PRKDC: variants seen among roughly 807,000 people sequenced by gnomAD.
PRKDC encodes the protein protein kinase, DNA-activated, catalytic subunit.
In PRKDC, 82 loss-of-function variants were observed where a neutral mutation model predicts 486.9. The observed-to-expected ratio is 0.17, with a 90% CI of 0.14 to 0.20. The LOEUF (loss-of-function observed/expected upper bound fraction) is 0.20, where lower values mean the gene tolerates loss of function less well. Ranked by LOEUF, PRKDC falls within the 10% of genes least tolerant of loss-of-function variation. The pLI is 1.00. For missense variants in PRKDC, 4,504 were observed against 5,038.2 expected (o/e 0.89, Z 3.21); for synonymous variants, 1,895 against 1,837.0 (o/e 1.03, Z -0.81).
rs1252621097 is a variant in PRKDC, at chr8:47,798,283, A to G, written c.10412T>C (p.Ile3471Thr). 6.2e-7 allele frequency: 1 copy of G among 1,613,878 alleles called. No individual in the cohort carries two copies. The highest frequency in any genetic ancestry group is 8.5e-7 in the Non-Finnish European group (1 of 1,179,852). Residue 3471 changes from isoleucine to threonine, a missense_variant, in exon 73 of 86, where the codon ATT becomes ACT. Coordinates refer to ENST00000314191, the MANE Select transcript of PRKDC (RefSeq NM_006904.7). ...AGTCTCCTCTGGATACCGTTCTATA[A>G]TCTGAAGTAATCTAGGAAACTTCAA... is the stretch of plus-strand genomic sequence containing the variant. ...ARLKFPRLLQ[I>T]IERYPEETLS...
intron 83 of PRKDC, 124 bp from the exon 84 acceptor site, chr8:47,777,998 C>T (rs963219340): frequency 1.3e-5 from 12 of 927,094 alleles, no homozygotes; most frequent in Non-Finnish European, 6.5e-6. Context: ...CTCTGCTTCC[C>T]TTGAAATCAG....
At chr8:47,842,673 T>G (rs2088175914) in intron 54 of PRKDC, among the ~76,000 whole-genome samples, 1 of 152,084 alleles carries the variant, frequency 6.6e-6, no homozygotes, top group Non-Finnish European at 1.5e-5. Flanking sequence ...CTCTGGCAAT[T>G]CAAAGTATCT....
chr8:47,912,316 C>A (rs2089917691), intron 25 of PRKDC, 94 bp downstream of exon 25: 1 of 1,340,312 alleles, frequency 7.5e-7, no homozygotes, highest in Non-Finnish European at 9.8e-7. Flanking sequence ...CGTTCCTAAC[C>A]ATCTCCAGGT....
chr8:47,916,063 T>C (rs1329720627), intron 22 of PRKDC, among the ~76,000 whole-genome samples: 5 of 152,186 alleles, frequency 3.3e-5, no homozygotes, highest in Admixed American at 2.6e-4. Context: ...AAAATACTGG[T>C]TCACTGGATT....
intron 14 of PRKDC, among the ~76,000 whole-genome samples, chr8:47,934,489 C>T (rs539108436): frequency 2.0e-5 from 3 of 152,110 alleles, no homozygotes; most frequent in African/African-American, 4.8e-5. Flanking sequence ...GAGCCAAGAT[C>T]GTGCCACTGC....
Position 47,939,690 on chromosome 8 carries a change from T to C in PRKDC, c.974A>G (p.Asn325Ser). The C allele has an allele frequency of 6.3e-7, 1 of 1,595,960 alleles. No individual in the cohort carries two copies. Among genetic ancestry groups the C allele is most frequent in the South Asian group, 1.1e-5 (1 of 87,682 alleles). Residue 325 changes from asparagine (N) to serine (S), a missense_variant, in exon 11 of 86, where the codon AAT (asparagine) becomes AGT (serine). Asn to Ser is a conservative substitution (Grantham distance 46). Transcript: ENST00000314191. The part of the protein sequence containing the change: ...ALESFLKQVS[N>S]MVAKNAEMHK... The stretch of plus-strand genomic sequence containing the variant: ...CATTTCTGCATTTTTCGCCACCATA[T>C]TAGAAACCTGCAAATACATAATATT...
At position 47,957,505 on chromosome 8, in the gene PRKDC, A is replaced by G. The variant is rs1046573002; in HGVS notation, c.155-74T>C. On this transcript the variant is annotated intron_variant, in intron 1 of 85. Coordinates refer to ENST00000314191, the MANE Select transcript of PRKDC (RefSeq NM_006904.7). ...TGTAAACCACTCCTAAAGGGGTTGCAATGATTTTCTTATTATTTTTTTTGA... is the reference window on the plus strand; with the variant it reads ...TGTAAACCACTCCTAAAGGGGTTGCGATGATTTTCTTATTATTTTTTTTGA... 4.1e-6 allele frequency: 5 copies of G among 1,230,704 alleles called. No individual in the cohort carries two copies. In the African/African-American group the frequency reaches 6.1e-5, roughly 15 times the overall value. The allele number at this position is 1,230,704 out of a possible 1,614,324, so 76.2% of individuals were successfully genotyped here. A position where few individuals can be genotyped will look rare whatever the true frequency, so the allele number is the denominator to read the frequency against.
intron 52 of PRKDC, among the ~76,000 whole-genome samples, chr8:47,850,213 G>A (rs2088370691): frequency 1.3e-5 from 2 of 152,118 alleles, no homozygotes; most frequent in African/African-American, 4.8e-5. Context: ...GTCCTTCCTG[G>A]CTCACCTCCT....
At chr8:47,908,106 C>A (rs554672806) in intron 25 of PRKDC, among the ~76,000 whole-genome samples, 8 of 152,364 alleles carry the variant, frequency 5.3e-5, no homozygotes, top group Non-Finnish European at 1.2e-4. Flanking sequence ...TCAATCCGAG[C>A]CCAGCTGCAG....
At chr8:47,777,349 C>T (rs139684395) in intron 84 of PRKDC, among the ~76,000 whole-genome samples, 46 of 152,220 alleles carry the variant, frequency 3.0e-4, no homozygotes, top group Non-Finnish European at 5.4e-4. Flanking sequence ...GCTGGGATTA[C>T]AGGTGTGCGT....
chr8:47,887,827 T>C, intron 34 of PRKDC, 122 bp from the exon 35 acceptor site: 1 of 1,060,024 alleles, frequency 9.4e-7, no homozygotes, highest in South Asian at 2.0e-5. Flanking sequence ...CTTCCAATAT[T>C]CAGAAAAATT....
In PRKDC at chr8:47,957,255, T is replaced by G; in HGVS notation, c.240A>C (p.Glu80Asp). ...RKSLNSIEFR[E>D]CREEILKFLC... is the part of the protein sequence containing the mutation. ...AAAACTTTAGGATTTCTTCTCTACA[T>G]TCACGAAACTGTAATGAAAGAGATA... Residue 80 changes from glutamate to aspartate, a missense_variant, in exon 3 of 86, where the codon GAA becomes GAC. Physicochemically the swap from Glu to Asp is conservative, Grantham distance 45. Coordinates refer to ENST00000314191, the MANE Select transcript of PRKDC (RefSeq NM_006904.7). 1 of 1,596,392 alleles carries G rather than the reference T, an allele frequency of 6.3e-7. No individual in the cohort carries two copies. Among genetic ancestry groups the G allele is most frequent in the African/African-American group, 1.3e-5 (1 of 74,634 alleles).
intron 68 of PRKDC, among the ~76,000 whole-genome samples, chr8:47,814,299 C>G (rs1333756846): frequency 1.3e-5 from 2 of 152,094 alleles, no homozygotes; most frequent in African/African-American, 4.8e-5. Flanking sequence ...TCTCTAACAT[C>G]AGGAATAAAA....
At chr8:47,929,412 T>A (rs1296142475) in intron 18 of PRKDC, among the ~76,000 whole-genome samples, 1 of 152,226 alleles carries the variant, frequency 6.6e-6, no homozygotes, top group Non-Finnish European at 1.5e-5. Flanking sequence ...GTCCATTCCC[T>A]CTTCCTCATC....
chr8:47,850,160 A>G (rs1263934427), intron 52 of PRKDC, among the ~76,000 whole-genome samples: 1 of 152,140 alleles, frequency 6.6e-6, no homozygotes, highest in African/African-American at 2.4e-5. Flanking sequence ...ACAGAGAAGT[A>G]CTCAGTAGAG....
In PRKDC at chr8:47,893,288, G is replaced by A. The variant is rs575674401; in HGVS notation, c.3698C>T (p.Ser1233Leu). The A allele has an allele frequency of 2.5e-5, 41 of 1,610,456 alleles. No individual in the cohort carries two copies. The highest frequency in any genetic ancestry group is 8.0e-5 in the African/African-American group (6 of 74,876). ...GAGGGTGGGCTGGGCCAGGATGCCC[G>A]AGGGCTGGCCACAGCCACCCCCCTC... ...TFEGGGCGQP[S>L]GILAQPTLLY... Residue 1233 changes from serine to leucine, a missense_variant, in exon 31 of 86, where the codon TCG becomes TTG. Physicochemically the swap from Ser to Leu is moderately radical, Grantham distance 145 (BLOSUM62 -2). This residue lies in a region of PRKDC where 1,969 missense variants were observed against 2,068.9 expected (regional missense o/e 0.95). Transcript: ENST00000314191.
At position 47,774,386 on chromosome 8, in the gene PRKDC, AAAAC is replaced by A. The variant is rs1387778391; in HGVS notation, c.12183-13_12183-10del. The A allele has an allele frequency of 1.2e-6, 2 of 1,610,384 alleles. No individual in the cohort carries two copies. Among genetic ancestry groups the A allele is most frequent in the Non-Finnish European group, 1.7e-6 (2 of 1,178,846 alleles). On this transcript the variant is annotated splice_polypyrimidine_tract_variant and intron_variant, in intron 85 of 85. Transcript: ENST00000314191. ...CCAGGAGTAGCTCATCACTGGAAAA[AAAAC>A]AAACACAGAAAACACAAAGCATGTG...
intron 68 of PRKDC, among the ~76,000 whole-genome samples, chr8:47,814,580 A>G (rs566867743): frequency 1.6e-4 from 24 of 152,340 alleles, no homozygotes; most frequent in African/African-American, 5.5e-4. Context: ...AAATCCATCT[A>G]TAACAGTGCC....
chr8:47,789,128 G>T (rs2086842344), intron 75 of PRKDC, 23 bp downstream of exon 75: 1 of 1,612,148 alleles, frequency 6.2e-7, no homozygotes, highest in Non-Finnish European at 8.5e-7. Flanking sequence ...TGTTTTATGT[G>T]CCAGAAGCCG....
Sources: allele counts gnomAD v4.1 joint callset (sites outside exome capture counted in the v4.1 genomes callset), GRCh38; gene constraint gnomAD v4.1.1; regional missense constraint gnomAD v4.1.1; transcripts MANE v1.5; gene names NCBI Gene and HGNC (gene_info 2026-07-23, HGNC 2026-07-21).